The following PPP2R5A variants were observed in gnomAD, a reference collection of about 807,000 sequenced individuals.
The protein encoded by PPP2R5A is protein phosphatase 2 regulatory subunit B'alpha.
PPP2R5A carries 25 observed loss-of-function variants against 64.2 expected under a neutral mutation model. The observed-to-expected ratio is 0.39, with a 90% CI of 0.28 to 0.54. The LOEUF is 0.54. Ranked by LOEUF, PPP2R5A falls within the 20% of genes least tolerant of loss-of-function variation. The probability of loss-of-function intolerance (pLI) is 0.67; values close to 1 mark genes in which losing one functional copy is unlikely to be tolerated. For synonymous variants in PPP2R5A, 198 were observed against 201.2 expected (o/e 0.98, Z 0.13); for missense variants, 425 against 576.3 (o/e 0.74, Z 2.69).
chr1:212,328,978 A>G (rs1659454000), intron 1 of PPP2R5A, among the ~76,000 whole-genome samples, 157 bp from the exon 2 acceptor site: 1 of 152,188 alleles, frequency 6.6e-6, no homozygotes, highest in African/African-American at 2.4e-5. Context: ...AGAGTCCAGT[A>G]TAAATCCCTG....
At chr1:212,322,238 G>C (rs1471982386) in intron 1 of PPP2R5A, among the ~76,000 whole-genome samples, 3 of 133,944 alleles carry the variant, frequency 2.2e-5, no homozygotes, top group Admixed American at 7.3e-5. Flanking sequence ...GAGAGGGAGA[G>C]GGAGAGGAGG....
At chr1:212,353,275 G>A (rs1299105624) in intron 8 of PPP2R5A, among the ~76,000 whole-genome samples, 2 of 152,188 alleles carry the variant, frequency 1.3e-5, no homozygotes, top group South Asian at 2.1e-4. Context: ...CCAAGACAGC[G>A]AGTCTACTAG....
In PPP2R5A at chr1:212,357,189, C is replaced by G. The variant is rs751057246; in HGVS notation, c.1131C>G (p.Asn377Lys). 14 of 1,588,630 alleles carry G rather than the reference C, an allele frequency of 8.8e-6. No individual in the cohort carries two copies. The highest frequency in any genetic ancestry group is 1.1e-5 in the Non-Finnish European group (13 of 1,170,638). The change falls in exon 11 of 13, where the codon AAC becomes AAG. Residue 377 changes from asparagine (N) to lysine (K), a missense_variant. By Grantham distance (94) the Asn-to-Lys change is moderately conservative (BLOSUM62 0). This residue lies in a region of PPP2R5A where 177 missense variants were observed against 244.8 expected (regional missense o/e 0.72). Coordinates refer to ENST00000261461, the MANE Select transcript of PPP2R5A (RefSeq NM_006243.4). The stretch of plus-strand genomic sequence containing the variant: ...AAAGGGCATTGTACTTCTGGAATAA[C>G]GAATATATTCTTAGTTTGATTGAGG... ...VAERALYFWN[N>K]EYILSLIEEN...
At chr1:212,294,766 T>C (rs1158533510) in intron 1 of PPP2R5A, among the ~76,000 whole-genome samples, 2 of 152,180 alleles carry the variant, frequency 1.3e-5, no homozygotes. Context: ...ATGATAAGAA[T>C]AAGCTCTAAA....
chr1:212,302,848 C>T (rs1658823703), intron 1 of PPP2R5A, among the ~76,000 whole-genome samples: 1 of 152,158 alleles, frequency 6.6e-6, no homozygotes, highest in South Asian at 2.1e-4. Flanking sequence ...AATATGTCGT[C>T]TTTTGTAATA....
At chr1:212,311,368 CT>C (rs1255943163) in intron 1 of PPP2R5A, among the ~76,000 whole-genome samples, 1 of 151,838 alleles carries the variant, frequency 6.6e-6, no homozygotes, top group Non-Finnish European at 1.5e-5. Context: ...CTCCCGGAGG[CT>C]GAGGCAGAAG....
intron 1 of PPP2R5A, chr1:212,302,102 T>C (rs1658808081): frequency 6.6e-7 from 1 of 1,508,816 alleles, no homozygotes; most frequent in Non-Finnish European, 8.9e-7. Flanking sequence ...AGTATGTATA[T>C]TAAGATTTCA....
intron 1 of PPP2R5A, chr1:212,301,866 T>C: frequency 7.7e-7 from 1 of 1,303,366 alleles, no homozygotes; most frequent in South Asian, 2.0e-5. Context: ...TTACTTTAGA[T>C]TTCAAGTATG....
At chr1:212,289,218 A>G (rs1475563291) in intron 1 of PPP2R5A, among the ~76,000 whole-genome samples, 5 of 152,196 alleles carry the variant, frequency 3.3e-5, no homozygotes, top group Admixed American at 3.3e-4. Flanking sequence ...AAATTATAAA[A>G]CAGTATTGTT....
intron 1 of PPP2R5A, among the ~76,000 whole-genome samples, chr1:212,307,277 G>A (rs1658936069): frequency 6.8e-6 from 1 of 147,770 alleles, no homozygotes; most frequent in Non-Finnish European, 1.5e-5. Context: ...TTTTTTAGTG[G>A]CTGCCCTTGG....
At chr1:212,356,569 C>A in intron 8 of PPP2R5A, 57 bp from the exon 9 acceptor site, 1 of 1,497,588 alleles carries the variant, frequency 6.7e-7, no homozygotes, top group Admixed American at 1.8e-5. Context: ...ATGGAAAATA[C>A]GCTGGGATTA....
At chr1:212,341,120 A>T (rs1305997196) in intron 3 of PPP2R5A, among the ~76,000 whole-genome samples, 1 of 152,152 alleles carries the variant, frequency 6.6e-6, no homozygotes, top group African/African-American at 2.4e-5. Context: ...AACTTTAGTC[A>T]TATTTGCCTT....
chr1:212,342,121 T>C, intron 3 of PPP2R5A, 67 bp from the exon 4 acceptor site: 5 of 1,547,056 alleles, frequency 3.2e-6, no homozygotes, highest in Non-Finnish European at 4.4e-6. Context: ...GTTTTTAATA[T>C]GAAGTGATTA....
chr1:212,325,296 A>T (rs1659386394), intron 1 of PPP2R5A, among the ~76,000 whole-genome samples: 1 of 152,168 alleles, frequency 6.6e-6, no homozygotes, highest in Admixed American at 6.6e-5. Flanking sequence ...ACCTAAGGGA[A>T]ATTTTGTGGA....
intron 1 of PPP2R5A, among the ~76,000 whole-genome samples, chr1:212,288,740 C>G (rs1294044710): frequency 2.0e-5 from 3 of 152,142 alleles, no homozygotes; most frequent in Non-Finnish European, 4.4e-5. Context: ...TTCACAAAAA[C>G]ATGGAAAGCC....
In PPP2R5A at chr1:212,360,768, T is replaced by TAA; in HGVS notation, c.*6_*7dup. Reference sequence around the variant, plus strand: ...TATTCTCAGCAATACAAGTGCCGAATAAAAAAAAAGCCTCCCACCTCTGCC... The same window carrying TAA: ...TATTCTCAGCAATACAAGTGCCGAATAAAAAAAAAAAGCCTCCCACCTCTGCC... ...HSILSNTSAE[*] The change falls in exon 13 of 13, where the codon TAA becomes TAAAA. Residue 487 remains the stop codon, a frameshift_variant and stop_retained_variant. Transcript: ENST00000261461. LOFTEE classifies it high-confidence loss of function. The TAA allele has an allele frequency of 1.3e-6, 2 of 1,501,986 alleles. No homozygotes were observed. The highest frequency in any genetic ancestry group is 1.8e-6 in the Non-Finnish European group (2 of 1,130,098). 93.0% of individuals were successfully genotyped at this position (1,501,986 alleles called of 1,614,324 possible).
intron 7 of PPP2R5A, 28 bp from the exon 8 acceptor site, chr1:212,349,161 T>C (rs777133032): frequency 2.0e-5 from 28 of 1,418,250 alleles, no homozygotes; most frequent in Non-Finnish European, 2.4e-5. Context: ...ATCTCACTAA[T>C]ATTTATAAAC....
At chr1:212,313,005 C>A (rs1049492185) in intron 1 of PPP2R5A, among the ~76,000 whole-genome samples, 3 of 152,194 alleles carry the variant, frequency 2.0e-5, no homozygotes. Flanking sequence ...AGTTCCTTCT[C>A]TGTATAGTTG....
At chr1:212,306,355 T>TG (rs1299371829) in intron 1 of PPP2R5A, among the ~76,000 whole-genome samples, 1 of 134,684 alleles carries the variant, frequency 7.4e-6, no homozygotes, top group Non-Finnish European at 1.6e-5. Flanking sequence ...AGGAGAAGAA[T>TG]GGAGGGGGGG....
Sources: allele counts gnomAD v4.1 joint callset (sites outside exome capture counted in the v4.1 genomes callset), GRCh38; gene constraint gnomAD v4.1.1; regional missense constraint gnomAD v4.1.1; transcripts MANE v1.5; gene names NCBI Gene and HGNC (gene_info 2026-07-23, HGNC 2026-07-21).